Variants in ADAMTS2 observed in about 807,000 individuals in gnomAD.
ADAMTS2 encodes the protein ADAM metallopeptidase with thrombospondin type 1 motif 2, also known as A disintegrin and metalloproteinase with thrombospondin motifs 2.
ADAMTS2 carries 50 observed loss-of-function variants against 123.0 expected under a neutral mutation model. The observed-to-expected ratio is 0.41, with a 90% CI of 0.32 to 0.51. ADAMTS2 has a LOEUF of 0.51. Among genes scored for constraint, ADAMTS2 ranks in the 20% least tolerant of loss-of-function variants. The probability of loss-of-function intolerance (pLI) is 0.35; values close to 1 mark genes in which losing one functional copy is unlikely to be tolerated. For synonymous variants in ADAMTS2, 678 were observed against 695.4 expected, an observed-to-expected ratio of 0.98 and a Z score of 0.39; for missense variants, 1,494 against 1,705.2, an observed-to-expected ratio of 0.88 and a Z score of 2.18.
At chr5:179,248,192 G>A (rs1162724395) in intron 3 of ADAMTS2, among the ~76,000 whole-genome samples, 2 of 152,088 alleles carry the variant, frequency 1.3e-5, no homozygotes, top group Admixed American at 6.5e-5. Flanking sequence ...GATAATAGCT[G>A]TAATTCCCAG....
intron 5 of ADAMTS2, among the ~76,000 whole-genome samples, chr5:179,168,911 A>C (rs1162364985): frequency 2.0e-5 from 3 of 151,826 alleles, no homozygotes; most frequent in African/African-American, 7.3e-5. Context: ...CTCTGCCAGA[A>C]CTCCCATATC....
intron 21 of ADAMTS2, 63 bp from the exon 22 acceptor site, chr5:179,114,387 AG>A: frequency 6.6e-7 from 1 of 1,523,042 alleles, no homozygotes; most frequent in Non-Finnish European, 8.9e-7. Context: ...GTTCCCCCAC[AG>A]GGTGCAGCTT....
chr5:179,283,751 C>T (rs1561684685), intron 2 of ADAMTS2, among the ~76,000 whole-genome samples: 1 of 151,186 alleles, frequency 6.6e-6, no homozygotes, highest in African/African-American at 2.4e-5. Context: ...ATTAGCCAGA[C>T]GTGGTGGTGC....
chr5:179,270,672 G>A (rs1766507694), intron 3 of ADAMTS2, among the ~76,000 whole-genome samples: 1 of 152,194 alleles, frequency 6.6e-6, no homozygotes, highest in African/African-American at 2.4e-5. Context: ...ATGGAAAGCT[G>A]GACGCCTGAG....
chr5:179,295,082 G>C (rs1025078931), intron 2 of ADAMTS2, among the ~76,000 whole-genome samples: 7 of 152,214 alleles, frequency 4.6e-5, no homozygotes, highest in Admixed American at 2.0e-4. Context: ...GAGGCTGCTG[G>C]GTTTGTCTGT....
chr5:179,152,499 A>G (rs1367112454), intron 9 of ADAMTS2, among the ~76,000 whole-genome samples: 1 of 152,098 alleles, frequency 6.6e-6, no homozygotes, highest in African/African-American at 2.4e-5. Flanking sequence ...TGCACACCTC[A>G]GGGAGCCTGG....
intron 4 of ADAMTS2, among the ~76,000 whole-genome samples, chr5:179,194,951 A>G (rs946145758): frequency 6.6e-6 from 1 of 152,322 alleles, no homozygotes; most frequent in Non-Finnish European, 1.5e-5. Context: ...CACAAGCTCC[A>G]GCAGGGCCCA....
At position 179,324,888 on chromosome 5, in the gene ADAMTS2, G is replaced by C. The variant is rs140568591; in HGVS notation, c.534+18879C>G. Among the ~76,000 whole-genome samples the C allele has an allele frequency of 1.1e-3, 158 of 149,620 alleles. No homozygotes were observed. The East Asian group carries it at 0.026, about 24-fold the overall frequency. On this transcript the variant is annotated intron_variant, in intron 2 of 21. Coordinates refer to ENST00000251582, the MANE Select transcript of ADAMTS2 (RefSeq NM_014244.5). ...GATGAGAAGTTGGCCAGGCCTATGG[G>C]GTTCCCAGCATTCAGGCAAAAGCCC...
chr5:179,204,718 C>T (rs1311491401), intron 4 of ADAMTS2, among the ~76,000 whole-genome samples: 2 of 152,224 alleles, frequency 1.3e-5, no homozygotes, highest in Admixed American at 1.3e-4. Flanking sequence ...CAGGCACGGC[C>T]GCGCCTTATC....
chr5:179,338,263 C>CA (rs1449488604), intron 2 of ADAMTS2, among the ~76,000 whole-genome samples: 4 of 152,188 alleles, frequency 2.6e-5, no homozygotes, highest in Non-Finnish European at 5.9e-5. Flanking sequence ...CGCCAGCCCA[C>CA]ACAGAGAACC....
At chr5:179,183,536 G>C (rs1053519294) in intron 4 of ADAMTS2, among the ~76,000 whole-genome samples, 2 of 152,246 alleles carry the variant, frequency 1.3e-5, no homozygotes, top group African/African-American at 4.8e-5. Flanking sequence ...GTGGCTTCCA[G>C]GGCCCAACTG....
chr5:179,181,095 T>G lies in ADAMTS2; in HGVS notation c.952A>C (p.Ile318Leu). The part of the protein sequence containing the change: ...GAHINVVLVR[I>L]ILLSYGKSMS... ...ACCTTTCCATAGCTCAGGAGGATGA[T>G]CCGCACCAGGACCACGTTGATGTGG... The change falls in exon 5 of 22, where the codon ATC becomes CTC. Residue 318 changes from isoleucine (I) to leucine (L), a missense_variant. Physicochemically the swap from Ile to Leu is conservative, Grantham distance 5. Coordinates refer to ENST00000251582, the MANE Select transcript of ADAMTS2 (RefSeq NM_014244.5). This position sits in a 1 kb window ranked among gnomAD's most constrained non-coding sequence, Gnocchi z 4.1. 6.2e-7 allele frequency: 1 copy of G among 1,613,832 alleles called. No homozygotes were observed. The highest frequency in any genetic ancestry group is 1.6e-4 in the Middle Eastern group (1 of 6,062).
chr5:179,211,241 T>C (rs1392675338), intron 3 of ADAMTS2, among the ~76,000 whole-genome samples: 3 of 152,208 alleles, frequency 2.0e-5, no homozygotes, highest in Admixed American at 6.5e-5. Context: ...GCTGTATCCC[T>C]CGGCACTCAC....
chr5:179,329,295 C>A (rs1324490476), intron 2 of ADAMTS2, among the ~76,000 whole-genome samples: 1 of 150,120 alleles, frequency 6.7e-6, no homozygotes. Context: ...CCACTGCGCT[C>A]CAGCCTGGGC....
intron 3 of ADAMTS2, among the ~76,000 whole-genome samples, chr5:179,218,908 G>A (rs574402945): frequency 6.6e-6 from 1 of 152,298 alleles, no homozygotes; most frequent in South Asian, 2.1e-4. Context: ...CTCAGTGGTG[G>A]ACACAGAAGG....
intron 2 of ADAMTS2, among the ~76,000 whole-genome samples, chr5:179,323,371 T>G (rs1757236231): frequency 6.6e-6 from 1 of 152,150 alleles, no homozygotes; most frequent in African/African-American, 2.4e-5. Flanking sequence ...ACAGAGAGAA[T>G]ACTTTGGGGA....
intron 3 of ADAMTS2, among the ~76,000 whole-genome samples, chr5:179,259,121 G>A (rs920238699): frequency 7.2e-5 from 11 of 152,164 alleles, no homozygotes; most frequent in South Asian, 4.2e-4. Context: ...AGAAGCCATC[G>A]TGATCTGACC....
Position 179,312,320 on chromosome 5 carries a change from T to C in ADAMTS2, c.534+31447A>G, listed in dbSNP as rs1264718307. On this transcript the variant is annotated intron_variant, in intron 2 of 21. Transcript: ENST00000251582. This position sits in a 1 kb window ranked among gnomAD's most constrained non-coding sequence, Gnocchi z 4.2. ...TGAAAGCTACTCCCCCAAGGTGATA[T>C]ATTAGGAAGTGGGGCCTTTGGGAGG... 2.0e-5 allele frequency among the ~76,000 whole-genome samples: 3 copies of C among 152,056 alleles called. No individual in the cohort carries two copies. The highest frequency in any genetic ancestry group is 2.0e-4 in the Admixed American group (3 of 15,262).
At chr5:179,320,047 C>T (rs1409330188) in intron 2 of ADAMTS2, among the ~76,000 whole-genome samples, 1 of 152,244 alleles carries the variant, frequency 6.6e-6, no homozygotes, top group East Asian at 1.9e-4. Context: ...CCTCCCCAGC[C>T]TTCTGTTTGC....
Sources: allele counts gnomAD v4.1 joint callset (sites outside exome capture counted in the v4.1 genomes callset), GRCh38; gene constraint gnomAD v4.1.1; non-coding constraint Gnocchi (gnomAD v3.1); transcripts MANE v1.5; gene names NCBI Gene and HGNC (gene_info 2026-07-23, HGNC 2026-07-21).